The following ZNF675 variants were observed in gnomAD, a reference collection of about 807,000 sequenced individuals.
ZNF675 encodes the protein zinc finger protein 675, also known as TRAF6 inhibitory zinc finger.
ZNF675 carries 36 observed loss-of-function variants against 56.1 expected under a neutral mutation model. The ratio of observed to expected loss-of-function variants is 0.64; its 90% CI spans 0.49 to 0.85. The LOEUF (loss-of-function observed/expected upper bound fraction) is 0.85. ZNF675 is among the 40% of genes least tolerant of loss of function. The pLI, the probability that ZNF675 is intolerant of heterozygous loss-of-function variation, is 0.00. For missense variants in ZNF675, 663 were observed against 654.2 expected, an observed-to-expected ratio of 1.01 and a Z score of -0.15; for synonymous variants, 200 against 218.9, an observed-to-expected ratio of 0.91 and a Z score of 0.76.
In ZNF675 at chr19:23,654,718, A is replaced by G. The variant is rs751378135; in HGVS notation, c.227-12T>C. ...ATGAGAACACATTACTGAAAGAAATAAAAATAACACATTACTTTACAGACT... is the reference window on the plus strand; with the variant it reads ...ATGAGAACACATTACTGAAAGAAATGAAAATAACACATTACTTTACAGACT... On this transcript the variant is annotated splice_polypyrimidine_tract_variant and intron_variant, in intron 3 of 3. Coordinates refer to ENST00000359788, the MANE Select transcript of ZNF675 (RefSeq NM_138330.3). 1 of 1,505,972 alleles carries G rather than the reference A, an allele frequency of 6.6e-7. No homozygotes were observed. The highest frequency in any genetic ancestry group is 2.3e-5 in the East Asian group (1 of 44,064). The allele number at this position is 1,505,972 out of a possible 1,614,324, so 93.3% of individuals were successfully genotyped here.
At chr19:23,677,879 G>C (rs1462409055) in intron 1 of ZNF675, among the ~76,000 whole-genome samples, 1 of 151,642 alleles carries the variant, frequency 6.6e-6, no homozygotes, top group Non-Finnish European at 1.5e-5. Flanking sequence ...CAGCACTTTG[G>C]GAGGCCGAGG....
At chr19:23,682,535 C>T (rs1968390371) in intron 1 of ZNF675, among the ~76,000 whole-genome samples, 1 of 151,834 alleles carries the variant, frequency 6.6e-6, no homozygotes, top group Non-Finnish European at 1.5e-5. Context: ...GCCTGTGCAT[C>T]CCCAGCTTCC....
At chr19:23,664,334 C>A (rs1330968294) in intron 1 of ZNF675, among the ~76,000 whole-genome samples, 1 of 152,184 alleles carries the variant, frequency 6.6e-6, no homozygotes, top group Non-Finnish European at 1.5e-5. Context: ...ACCACACTCA[C>A]AGGCAGAAGG....
At chr19:23,672,782 T>G (rs957645627) in intron 1 of ZNF675, among the ~76,000 whole-genome samples, 2 of 152,186 alleles carry the variant, frequency 1.3e-5, no homozygotes, top group African/African-American at 4.8e-5. Context: ...AGCTTGAGGA[T>G]TATAACATGA....
At position 23,659,020 on chromosome 19, in the gene ZNF675, T is replaced by C. The variant is rs911748837; in HGVS notation, c.226+3094A>G. On this transcript the variant is annotated intron_variant, in intron 3 of 3. Coordinates refer to ENST00000359788, the MANE Select transcript of ZNF675 (RefSeq NM_138330.3). ...ATCTATATATATAAAATGTTAAATA[T>C]ATAAAAATATATATATTGCAGAATA... Among the ~76,000 whole-genome samples the C allele has an allele frequency of 2.0e-5, 3 of 148,862 alleles. No homozygotes were observed. In the South Asian group the frequency reaches 6.3e-4, roughly 31 times the overall value.
intron 1 of ZNF675, 134 bp from the exon 2 acceptor site, chr19:23,663,292 T>C: frequency 2.6e-6 from 3 of 1,159,254 alleles, no homozygotes; most frequent in Non-Finnish European, 3.6e-6. Context: ...AATAAAATCA[T>C]ATTTTTTACA....
chr19:23,676,750 T>C (rs1468091308), intron 1 of ZNF675, among the ~76,000 whole-genome samples: 2 of 151,748 alleles, frequency 1.3e-5, no homozygotes, highest in African/African-American at 4.9e-5. Flanking sequence ...ACTGAATAGA[T>C]ACAAGTTGCA....
At chr19:23,680,684 A>AT (rs1968365225) in intron 1 of ZNF675, among the ~76,000 whole-genome samples, 1 of 151,504 alleles carries the variant, frequency 6.6e-6, no homozygotes, top group Admixed American at 6.6e-5. Flanking sequence ...AACCTGGGAG[A>AT]TGGAGGTGGC....
At chr19:23,657,955 A>T (rs1968009662) in intron 3 of ZNF675, among the ~76,000 whole-genome samples, 1 of 152,210 alleles carries the variant, frequency 6.6e-6, no homozygotes, top group African/African-American at 2.4e-5. Flanking sequence ...AAAACAAAAA[A>T]ACAATAAACA....
chr19:23,663,928 C>T (rs1968116036), intron 1 of ZNF675, among the ~76,000 whole-genome samples: 2 of 152,086 alleles, frequency 1.3e-5, no homozygotes, highest in Admixed American at 1.3e-4. Context: ...TGTTCAATAG[C>T]CACAGGTAAC....
In ZNF675 at chr19:23,654,286, G is replaced by A. The variant is rs1358426275; in HGVS notation, c.647C>T (p.Thr216Ile). ...EKAVNQSSKL[T>I]KHKRIYTCEK... ...ACAAGTATAAATTCTTTTATGTTTA[G>A]TAAGCTTTGAAGATTGGTTAACAGC... is the stretch of plus-strand genomic sequence containing the variant. The change falls in exon 4 of 4, where the codon ACT (threonine) becomes ATT (isoleucine). Residue 216 changes from threonine (T) to isoleucine (I), a missense_variant. Coordinates refer to ENST00000359788, the MANE Select transcript of ZNF675 (RefSeq NM_138330.3). 8.1e-6 allele frequency: 13 copies of A among 1,611,698 alleles called. No individual in the cohort carries two copies. Among genetic ancestry groups the A allele is most frequent in the Non-Finnish European group, 1.1e-5 (13 of 1,179,488 alleles).
At chr19:23,660,363 A>C (rs10402364) in intron 3 of ZNF675, among the ~76,000 whole-genome samples, 1 of 152,250 alleles carries the variant, frequency 6.6e-6, no homozygotes, top group African/African-American at 2.4e-5. Context: ...AGTTTAACAT[A>C]ACACTGAAAG....
chr19:23,653,734 TCTTTA>T lies in ZNF675; in HGVS notation c.1194_1198del (p.Cys398Ter), dbSNP rs781691772. On this transcript the variant is annotated stop_gained and frameshift_variant, in exon 4 of 4. Transcript: ENST00000359788. LOFTEE classifies it high-confidence loss of function. ...GGAGTGTTTAAAAGCTTTGCCACAT[TCTTTA>T]CATTTGTAGGGTTTCTCTTCGGTAT... The T allele has an allele frequency of 2.5e-6, 4 of 1,613,934 alleles. No individual in the cohort carries two copies. Among genetic ancestry groups the T allele is most frequent in the East Asian group, 2.2e-5 (1 of 44,848 alleles).
intron 1 of ZNF675, among the ~76,000 whole-genome samples, chr19:23,668,222 G>A (rs1968180723): frequency 6.6e-6 from 1 of 150,660 alleles, no homozygotes; most frequent in Admixed American, 6.6e-5. Context: ...CCCTGAGATA[G>A]ACACAGGGTG....
At position 23,664,022 on chromosome 19, in the gene ZNF675, T is replaced by C. The variant is rs563348878; in HGVS notation, c.4-864A>G. Among the ~76,000 whole-genome samples the C allele has an allele frequency of 5.9e-5, 9 of 152,240 alleles. No homozygotes were observed. The East Asian group carries it at 1.7e-3, about 29-fold the overall frequency. Reference sequence around the variant, plus strand: ...TCATGATGTAGAGAAGCCTCTGGTATATGGAAAAGAAGTATTTTTCAGAGA... The same window carrying C: ...TCATGATGTAGAGAAGCCTCTGGTACATGGAAAAGAAGTATTTTTCAGAGA... On this transcript the variant is annotated intron_variant, in intron 1 of 3. Transcript: ENST00000359788.
chr19:23,667,725 T>C (rs1968172453), intron 1 of ZNF675, among the ~76,000 whole-genome samples: 1 of 148,882 alleles, frequency 6.7e-6, no homozygotes, highest in Admixed American at 6.7e-5. Flanking sequence ...CTGATTGGAG[T>C]GTTTACAAAC....
chr19:23,683,247 G>A (rs966601919), intron 1 of ZNF675, among the ~76,000 whole-genome samples: 2 of 151,308 alleles, frequency 1.3e-5, no homozygotes, highest in African/African-American at 2.4e-5. Flanking sequence ...ACTTCTAGGA[G>A]GTACCAAATT....
intron 1 of ZNF675, among the ~76,000 whole-genome samples, chr19:23,672,891 G>A (rs1287843099): frequency 6.6e-6 from 1 of 152,140 alleles, no homozygotes; most frequent in Non-Finnish European, 1.5e-5. Context: ...TTCTCTCTTT[G>A]GGCTGGTACA....
At chr19:23,670,515 T>A (rs1348898606) in intron 1 of ZNF675, among the ~76,000 whole-genome samples, 1 of 152,008 alleles carries the variant, frequency 6.6e-6, no homozygotes, top group Non-Finnish European at 1.5e-5. Context: ...GTTCTCAGGG[T>A]GAGTAGCGAC....
Sources: allele counts gnomAD v4.1 joint callset (sites outside exome capture counted in the v4.1 genomes callset), GRCh38; gene constraint gnomAD v4.1.1; transcripts MANE v1.5; gene names NCBI Gene and HGNC (gene_info 2026-07-23, HGNC 2026-07-21).